IL1RAPL1: variants seen among roughly 807,000 people sequenced by gnomAD.
The protein encoded by IL1RAPL1 is interleukin-1 receptor accessory protein-like 1.
A neutral mutation model predicts 48.4 loss-of-function variants in IL1RAPL1; 3 were observed. The observed-to-expected ratio is 0.06, with a 90% CI of 0.03 to 0.16. The LOEUF is 0.16. IL1RAPL1 is among the 10% of genes least tolerant of loss of function. The pLI, the probability that IL1RAPL1 is intolerant of heterozygous loss-of-function variation, is 1.00. For missense variants in IL1RAPL1, 349 were observed against 530.6 expected (o/e 0.66, Z 3.36); for synonymous variants, 185 against 187.7 (o/e 0.99, Z 0.12).
At chrX:29,052,294 C>T (rs1927110750) in intron 2 of IL1RAPL1, among the ~76,000 whole-genome samples, 1 of 111,138 alleles carries the variant, frequency 9.0e-6, no homozygotes, top group Admixed American at 9.6e-5. Context: ...TTAACTCCTT[C>T]CTCTCACACC....
chrX:29,538,323 TTTTTC>T (rs1181056373), intron 5 of IL1RAPL1, among the ~76,000 whole-genome samples: 2 of 96,783 alleles, frequency 2.1e-5, no homozygotes, highest in Middle Eastern at 6.0e-3. Flanking sequence ...ATCTTAAAGG[TTTTTC>T]TTTTCTTTTC....
At chrX:28,768,298 C>T (rs1343317468) in intron 1 of IL1RAPL1, among the ~76,000 whole-genome samples, 1 of 110,727 alleles carries the variant, frequency 9.0e-6, no homozygotes, top group Non-Finnish European at 1.9e-5. Context: ...GATCTATAAA[C>T]ACATCTGCTG....
intron 2 of IL1RAPL1, among the ~76,000 whole-genome samples, chrX:28,922,098 C>A (rs1923629143): frequency 9.0e-6 from 1 of 111,663 alleles, no homozygotes; most frequent in African/African-American, 3.3e-5. Context: ...CCATCAGTTT[C>A]TTGTATTGTA....
intron 5 of IL1RAPL1, among the ~76,000 whole-genome samples, chrX:29,646,942 T>G (rs1271301580): frequency 8.9e-6 from 1 of 112,050 alleles, no homozygotes; most frequent in Non-Finnish European, 1.9e-5. Flanking sequence ...AGACCTGTCT[T>G]ACAAGAAATG....
At chrX:29,893,421 T>C (rs1932311828) in intron 6 of IL1RAPL1, among the ~76,000 whole-genome samples, 1 of 111,218 alleles carries the variant, frequency 9.0e-6, no homozygotes, top group Admixed American at 9.6e-5. Context: ...GGACCTGCTT[T>C]ACTGATTCTA....
At chrX:29,630,235 C>T (rs2147078869) in intron 5 of IL1RAPL1, among the ~76,000 whole-genome samples, 1 of 111,296 alleles carries the variant, frequency 9.0e-6, no homozygotes, top group African/African-American at 3.3e-5. Context: ...AGGACTTCAT[C>T]CCTATGACCT....
At chrX:29,503,059 T>G (rs1935291712) in intron 5 of IL1RAPL1, among the ~76,000 whole-genome samples, 1 of 111,833 alleles carries the variant, frequency 8.9e-6, no homozygotes, top group Non-Finnish European at 1.9e-5. Context: ...CCATTTCTTC[T>G]AAGTTTTCCA....
chrX:28,976,991 C>A (rs5943581), intron 2 of IL1RAPL1, among the ~76,000 whole-genome samples: 1,951 of 112,338 alleles, frequency 0.017, 24 homozygotes, highest in Non-Finnish European at 0.031. Flanking sequence ...TGTTCTGTTA[C>A]AACTTTACTT....
At chrX:28,613,504 C>T (rs920612295) in intron 1 of IL1RAPL1, among the ~76,000 whole-genome samples, 2 of 112,857 alleles carry the variant, frequency 1.8e-5, no homozygotes, top group Non-Finnish European at 3.7e-5. Flanking sequence ...TTAAAAACAT[C>T]GGTAGAAATT....
Position 29,941,886 on chromosome X carries a change from T to A in IL1RAPL1, c.1201+92T>A, listed in dbSNP as rs1323287595. ...AAGGGGAAAAAAATTACGTGCATAA[T>A]CAATGGCAGCAGCTCGTATATTCTT... On this transcript the variant is annotated intron_variant, in intron 9 of 10. Transcript: ENST00000378993. The A allele has an allele frequency of 3.8e-6, 3 of 792,186 alleles. No individual in the cohort carries two copies. The Admixed American group carries it at 7.3e-5, about 19-fold the overall frequency. The allele number at this position is 792,186 out of a possible 1,213,427, so 65.3% of individuals were successfully genotyped here. A position where few individuals can be genotyped will look rare whatever the true frequency, so the allele number is the denominator to read the frequency against.
chrX:28,757,709 A>G (rs1170093849), intron 1 of IL1RAPL1, among the ~76,000 whole-genome samples: 2 of 111,878 alleles, frequency 1.8e-5, no homozygotes, highest in Non-Finnish European at 3.8e-5. Context: ...CCTATTTCCA[A>G]TTTGCCCAAA....
At chrX:28,818,254 A>G (rs1465513271) in intron 2 of IL1RAPL1, among the ~76,000 whole-genome samples, 1 of 110,925 alleles carries the variant, frequency 9.0e-6, no homozygotes, top group African/African-American at 3.3e-5. Context: ...TTGTTTAGGG[A>G]CATTGAACCT....
chrX:29,666,281 A>G, intron 5 of IL1RAPL1, among the ~76,000 whole-genome samples: 1 of 110,959 alleles, frequency 9.0e-6, no homozygotes, highest in East Asian at 2.8e-4. Flanking sequence ...TGTTTGGTCA[A>G]CATCTTGGGT....
chrX:29,874,063 A>G (rs1319742416), intron 6 of IL1RAPL1, among the ~76,000 whole-genome samples: 3 of 112,040 alleles, frequency 2.7e-5, no homozygotes, highest in South Asian at 3.7e-4. Context: ...GTTTTCTAGC[A>G]TCTCTCATGT....
intron 6 of IL1RAPL1, among the ~76,000 whole-genome samples, chrX:29,884,401 T>C (rs1462224244): frequency 9.0e-6 from 1 of 110,786 alleles, no homozygotes; most frequent in African/African-American, 3.3e-5. Flanking sequence ...ATGATACTCA[T>C]CTTCCCATGG....
At position 29,179,232 on chromosome X, in the gene IL1RAPL1, G is replaced by A. The variant is rs187906380; in HGVS notation, c.83-103706G>A. ...ATTGATTCTTCCTACCCATGAGCAT[G>A]GAATGTTCTTCCATTTGTTTGTGTC... On this transcript the variant is annotated intron_variant, in intron 2 of 10. Transcript: ENST00000378993. Among the ~76,000 whole-genome samples, 27 of 111,406 alleles carry A rather than the reference G, an allele frequency of 2.4e-4. No individual in the cohort carries two copies. The East Asian group carries it at 7.7e-3, about 32-fold the overall frequency.
chrX:28,852,346 T>A (rs774501649), intron 2 of IL1RAPL1, among the ~76,000 whole-genome samples: 1 of 110,543 alleles, frequency 9.0e-6, no homozygotes, highest in African/African-American at 3.3e-5. Context: ...AACTTTTTTT[T>A]TTTTTGCTAA....
At chrX:29,899,701 G>A (rs1163106687) in intron 6 of IL1RAPL1, among the ~76,000 whole-genome samples, 2 of 107,903 alleles carry the variant, frequency 1.9e-5, no homozygotes, top group Non-Finnish European at 1.9e-5. Context: ...CTGCCACCAC[G>A]CCTGGCTAAT....
chrX:28,907,232 T>G, intron 2 of IL1RAPL1, among the ~76,000 whole-genome samples: 1 of 111,717 alleles, frequency 9.0e-6, no homozygotes, highest in East Asian at 2.8e-4. Context: ...CGGATTGCAT[T>G]AATTGATGTT....
Sources: allele counts gnomAD v4.1 joint callset (sites outside exome capture counted in the v4.1 genomes callset), GRCh38; gene constraint gnomAD v4.1.1; transcripts MANE v1.5; gene names NCBI Gene and HGNC (gene_info 2026-07-23, HGNC 2026-07-21).